RABEP2: variants seen among roughly 807,000 people sequenced by gnomAD.
The protein encoded by RABEP2 is rab GTPase-binding effector protein 2.
A neutral mutation model predicts 74.1 loss-of-function variants in RABEP2; 57 were observed. The ratio of observed to expected loss-of-function variants is 0.77; its 90% CI spans 0.62 to 0.96. The LOEUF (loss-of-function observed/expected upper bound fraction) is 0.96. Ranked by LOEUF, RABEP2 falls within the 40% of genes least tolerant of loss-of-function variation. RABEP2 has a pLI of 0.00. For synonymous variants in RABEP2, 351 were observed against 344.0 expected, an observed-to-expected ratio of 1.02 and a Z score of -0.23; for missense variants, 692 against 756.3, an observed-to-expected ratio of 0.91 and a Z score of 1.00.
chr16:28,909,724 T>TAA (rs1182969016), intron 7 of RABEP2, among the ~76,000 whole-genome samples: 25 of 138,374 alleles, frequency 1.8e-4, no homozygotes, highest in African/African-American at 5.2e-4. Flanking sequence ...CACCATTTCT[T>TAA]AAAAAAAAAA....
At position 28,908,755 on chromosome 16, in the gene RABEP2, C is replaced by T. The variant is rs1271444440; in HGVS notation, c.1099G>A (p.Val367Ile). Residue 367 changes from valine (V) to isoleucine (I), a missense_variant, in exon 8 of 13, where the codon GTC becomes ATC. Transcript: ENST00000358201. Reference sequence around the variant, plus strand: ...TGGTGCAGGCACTTGTGGGTGGTGACCAGCTCCGCCTATGGACAGACAGTT... The same window carrying T: ...TGGTGCAGGCACTTGTGGGTGGTGATCAGCTCCGCCTATGGACAGACAGTT... ...ERVQLQMAEL[V>I]TTHKCLHHEV... is the part of the protein sequence containing the mutation. The T allele has an allele frequency of 6.2e-7, 1 of 1,613,916 alleles. No homozygotes were observed. The highest frequency in any genetic ancestry group is 1.3e-5 in the African/African-American group (1 of 74,912).
Position 28,905,426 on chromosome 16 carries a change from C to A in RABEP2, c.1579G>T (p.Asp527Tyr). 3 of 1,607,266 alleles carry A rather than the reference C, an allele frequency of 1.9e-6. No individual in the cohort carries two copies. The highest frequency in any genetic ancestry group is 2.5e-6 in the Non-Finnish European group (3 of 1,177,854). Residue 527 changes from aspartate to tyrosine, a missense_variant, in exon 12 of 13, where the codon GAT becomes TAT. By Grantham distance (160) the Asp-to-Tyr change is radical (BLOSUM62 -3). Coordinates refer to ENST00000358201, the MANE Select transcript of RABEP2 (RefSeq NM_024816.3). ...ELETSEQVQRDFVRLSQALQV... is the reference protein window; with the variant it reads ...ELETSEQVQRYFVRLSQALQV... ...AGGGCCTGGGACAGTCGCACGAAAT[C>A]CCTCTGCACCTGCTCACTGGTCTCC... is the stretch of plus-strand genomic sequence containing the variant.
In RABEP2 at chr16:28,905,518, G is replaced by T. The variant is rs748696176; in HGVS notation, c.1492-5C>A. 1 of 1,609,386 alleles carries T rather than the reference G, an allele frequency of 6.2e-7. No homozygotes were observed. The highest frequency in any genetic ancestry group is 1.1e-5 in the South Asian group (1 of 90,362). ...GAGGAGGTCTGGGAGCTGGGCCTGC[G>T]GGGACAGACACCACACTGAGCTGGG... is the stretch of plus-strand genomic sequence containing the variant. On this transcript the variant is annotated splice_region_variant and splice_polypyrimidine_tract_variant and intron_variant, in intron 11 of 12. Transcript: ENST00000358201.
chr16:28,904,921 G>A lies in RABEP2; in HGVS notation c.*22C>T. On this transcript the variant is annotated 3_prime_UTR_variant, in exon 13 of 13. Transcript: ENST00000358201. ...GGGGAAAGGCGTCTTTCCCAGGGTG[G>A]GGGTGGGGATATCCTGACCCCTCAG... 1 of 1,565,062 alleles carries A rather than the reference G, an allele frequency of 6.4e-7. No homozygotes were observed. Among genetic ancestry groups the A allele is most frequent in the Non-Finnish European group, 8.8e-7 (1 of 1,138,248 alleles).
chr16:28,917,609 A>C (rs1042420380), intron 3 of RABEP2, among the ~76,000 whole-genome samples: 1 of 152,068 alleles, frequency 6.6e-6, no homozygotes, highest in Admixed American at 6.6e-5. Context: ...TTTAGTAGAG[A>C]CGGGGTTTCC....
rs566407854 is a variant in RABEP2 at position 28,914,431 on chromosome 16, G to A, written c.699C>T (p.Ser233=). The A allele has an allele frequency of 3.1e-6, 5 of 1,613,562 alleles. No individual in the cohort carries two copies. Among genetic ancestry groups the A allele is most frequent in the African/African-American group, 1.3e-5 (1 of 75,060 alleles). ...AFAHNCDDSA[S]ISSFSLGGGV... Reference sequence around the variant, plus strand: ...CACCGCCAAGGGAGAAGGAGGAGATGGAGGCGCTGTCATCGCAGTTGTGAG... The same window carrying A: ...CACCGCCAAGGGAGAAGGAGGAGATAGAGGCGCTGTCATCGCAGTTGTGAG... Residue 233 remains serine (S), a synonymous_variant, in exon 5 of 13, where the codon TCC becomes TCT. Coordinates refer to ENST00000358201, the MANE Select transcript of RABEP2 (RefSeq NM_024816.3).
chr16:28,907,490 G>T (rs549033662), intron 8 of RABEP2, among the ~76,000 whole-genome samples: 1 of 152,082 alleles, frequency 6.6e-6, no homozygotes, highest in South Asian at 2.1e-4. Flanking sequence ...GTAGAGACAG[G>T]GTCTTGCTTT....
At position 28,905,893 on chromosome 16, in the gene RABEP2, G is replaced by A. The variant is rs543622997; in HGVS notation, c.1424-15C>T. 2.5e-6 allele frequency: 4 copies of A among 1,613,666 alleles called. No individual in the cohort carries two copies. The highest frequency in any genetic ancestry group is 2.5e-6 in the Non-Finnish European group (3 of 1,180,014). On this transcript the variant is annotated splice_polypyrimidine_tract_variant and intron_variant, in intron 9 of 12. Coordinates refer to ENST00000358201, the MANE Select transcript of RABEP2 (RefSeq NM_024816.3). ...CTCCAGCACCTCTGTGGGAAGGAAA[G>A]AAAGAGAGGTCAAGGCCAGCCTCTC...
intron 5 of RABEP2, among the ~76,000 whole-genome samples, chr16:28,911,532 G>A (rs554124559): frequency 3.3e-5 from 5 of 151,556 alleles, no homozygotes; most frequent in African/African-American, 4.9e-5. Context: ...GCGTGGTGGC[G>A]GGACACCTGT....
chr16:28,917,419 A>G (rs1964408981), intron 3 of RABEP2, among the ~76,000 whole-genome samples: 1 of 151,976 alleles, frequency 6.6e-6, no homozygotes, highest in African/African-American at 2.4e-5. Context: ...TTAATCCTCC[A>G]AATCTCTTTT....
intron 1 of RABEP2, 86 bp downstream of exon 1, chr16:28,925,017 C>G: frequency 1.4e-6 from 2 of 1,414,724 alleles, no homozygotes; most frequent in Non-Finnish European, 1.9e-6. Context: ...TCCATCATCC[C>G]TCTCCACCCC....
chr16:28,912,232 G>T (rs1371002964), intron 5 of RABEP2, among the ~76,000 whole-genome samples: 2 of 150,174 alleles, frequency 1.3e-5, no homozygotes, highest in East Asian at 4.0e-4. Context: ...GGGTGACACA[G>T]CGAGACTCCA....
intron 3 of RABEP2, among the ~76,000 whole-genome samples, chr16:28,918,483 C>T (rs1455796963): frequency 1.3e-5 from 2 of 151,850 alleles, no homozygotes; most frequent in Non-Finnish European, 2.9e-5. Flanking sequence ...GGCATGGTGG[C>T]AGGTGCCTGT....
In RABEP2 at chr16:28,904,815, C is replaced by G; in HGVS notation, c.*128G>C. 1.3e-6 allele frequency: 1 copy of G among 760,098 alleles called. No homozygotes were observed. The highest frequency in any genetic ancestry group is 2.1e-6 in the Non-Finnish European group (1 of 478,092). 47.1% of individuals were successfully genotyped at this position (760,098 alleles called of 1,614,324 possible). On this transcript the variant is annotated 3_prime_UTR_variant, in exon 13 of 13. Transcript: ENST00000358201. ...TGGAGGGCGGGGCGGTGGTGGCCCC[C>G]GTCAGTCCCCTCAACCCCAGTCTCA... is the stretch of plus-strand genomic sequence containing the variant.
chr16:28,910,651 G>C (rs560310525), intron 7 of RABEP2: 1 of 488,224 alleles, frequency 2.0e-6, no homozygotes, highest in East Asian at 3.5e-5. Context: ...GGCAGAGGCT[G>C]GGAGTCTGGG....
intron 3 of RABEP2, among the ~76,000 whole-genome samples, chr16:28,915,982 G>C (rs7185125): frequency 0.052 from 7,979 of 152,060 alleles, 710 homozygotes; most frequent in African/African-American, 0.18. Context: ...TAGAATTACA[G>C]ATGCGTGCCA....
chr16:28,914,997 C>T (rs1964369970), intron 3 of RABEP2, among the ~76,000 whole-genome samples: 1 of 150,886 alleles, frequency 6.6e-6, no homozygotes, highest in Admixed American at 6.6e-5. Flanking sequence ...CGACTTCTTC[C>T]TGTGGTCCCG....
chr16:28,923,002 C>T (rs77423463), intron 2 of RABEP2, among the ~76,000 whole-genome samples: 95 of 152,282 alleles, frequency 6.2e-4, no homozygotes, highest in Middle Eastern at 3.4e-3. Flanking sequence ...GGCCTCAGAG[C>T]TTCCTCTGTA....
intron 8 of RABEP2, 122 bp downstream of exon 8, chr16:28,908,487 G>T: frequency 9.6e-7 from 1 of 1,043,322 alleles, no homozygotes; most frequent in Non-Finnish European, 1.3e-6. Flanking sequence ...CTTAGAGAAG[G>T]CAAATGAGTT....
Sources: allele counts gnomAD v4.1 joint callset (sites outside exome capture counted in the v4.1 genomes callset), GRCh38; gene constraint gnomAD v4.1.1; transcripts MANE v1.5; gene names NCBI Gene and HGNC (gene_info 2026-07-23, HGNC 2026-07-21).